Variants in MAGI2 observed in about 807,000 individuals in gnomAD.
MAGI2 encodes the protein membrane associated guanylate kinase, WW and PDZ domain containing 2, also known as membrane-associated guanylate kinase, WW and PDZ domain-containing protein 2.
Under a neutral mutation model 133.3 loss-of-function variants are expected in MAGI2, and 35 were observed. The observed-to-expected ratio is 0.26, with a 90% CI of 0.20 to 0.35. MAGI2 has a LOEUF of 0.35. Among genes scored for constraint, MAGI2 ranks in the 10% least tolerant of loss-of-function variants. The pLI is 1.00. For missense variants in MAGI2, 1,636 were observed against 1,863.4 expected, an observed-to-expected ratio of 0.88 and a Z score of 2.25; for synonymous variants, 729 against 710.6, an observed-to-expected ratio of 1.03 and a Z score of -0.41.
intron 7 of MAGI2, among the ~76,000 whole-genome samples, chr7:78,352,242 C>T (rs1028170077): frequency 1.3e-5 from 2 of 151,996 alleles, no homozygotes; most frequent in African/African-American, 4.8e-5. Flanking sequence ...GGAGAGAAAA[C>T]AGGGACAAAA....
chr7:78,300,505 C>A (rs1336361633), intron 9 of MAGI2, among the ~76,000 whole-genome samples: 1 of 152,146 alleles, frequency 6.6e-6, no homozygotes, highest in Non-Finnish European at 1.5e-5. Context: ...ATAAGTAAAA[C>A]AGCTTAGTGG....
chr7:78,425,153 C>G (rs189373421), intron 6 of MAGI2, among the ~76,000 whole-genome samples: 1 of 152,008 alleles, frequency 6.6e-6, no homozygotes, highest in Non-Finnish European at 1.5e-5. Context: ...ATTATGGGGG[C>G]GGGTCTTTCC....
At chr7:79,040,046 C>T (rs1811510995) in intron 1 of MAGI2, among the ~76,000 whole-genome samples, 1 of 151,668 alleles carries the variant, frequency 6.6e-6, no homozygotes. Context: ...CTTTGTTTCC[C>T]CACCCAAATT....
chr7:78,734,186 AATACAGGCATCAAAT>A (rs1585231645), intron 2 of MAGI2, among the ~76,000 whole-genome samples: 1 of 152,222 alleles, frequency 6.6e-6, no homozygotes, highest in East Asian at 1.9e-4. Flanking sequence ...TATTTCTCTC[AATACAGGCATCAAAT>A]ATAGCAGCAT....
Position 78,230,378 on chromosome 7 carries a change from C to T in MAGI2, c.2047+25565G>A, listed in dbSNP as rs963528271. Among the ~76,000 whole-genome samples the T allele has an allele frequency of 1.6e-4, 24 of 152,132 alleles. 1 individual carries two copies. The South Asian group carries it at 2.1e-3, about 13-fold the overall frequency. ...CAATTTCAAATCCCTTCCTTTAGAA[C>T]GTGATTTTATTTCTCTATTACAATT... On this transcript the variant is annotated intron_variant, in intron 10 of 21. Coordinates refer to ENST00000354212, the MANE Select transcript of MAGI2 (RefSeq NM_012301.4).
intron 3 of MAGI2, chr7:78,614,258 G>A (rs193089242): frequency 6.6e-6 from 1 of 150,602 alleles, no homozygotes. Flanking sequence ...TAGAACTCTG[G>A]GGGACAGGTG....
Position 78,026,045 on chromosome 7 carries a change from T to C in MAGI2, c.3707-6069A>G, listed in dbSNP as rs191115004. 10 of 152,728 alleles carry C rather than the reference T, an allele frequency of 6.5e-5. No homozygotes were observed. In the East Asian group the frequency reaches 9.6e-4, roughly 15 times the overall value. 9.5% of individuals were successfully genotyped at this position (152,728 alleles called of 1,614,324 possible). A position where few individuals can be genotyped will look rare whatever the true frequency, so the allele number is the denominator to read the frequency against. On this transcript the variant is annotated intron_variant, in intron 21 of 21. Transcript: ENST00000354212. Reference sequence around the variant, plus strand: ...CTGTGGGAGAAGCAAGCCCCTCTCCTAAGTTAGGATCAAGTTTCTTACCCT... The same window carrying C: ...CTGTGGGAGAAGCAAGCCCCTCTCCCAAGTTAGGATCAAGTTTCTTACCCT...
In MAGI2 at chr7:79,211,818, G is replaced by C. The variant is rs184043272; in HGVS notation, c.302-204612C>G. Among the ~76,000 whole-genome samples, 290 of 152,158 alleles carry C rather than the reference G, an allele frequency of 1.9e-3. 2 individuals are homozygous for C. The highest frequency in any genetic ancestry group is 3.7e-3 in the Non-Finnish European group (253 of 68,026). The stretch of plus-strand genomic sequence containing the variant: ...AGGGCTATTATCAATTTAGGTAACA[G>C]AGGGTAAAACGGCTTAGAAGTAATA... On this transcript the variant is annotated intron_variant, in intron 1 of 21. Transcript: ENST00000354212.
intron 2 of MAGI2, among the ~76,000 whole-genome samples, chr7:78,669,210 T>TA (rs2151066518): frequency 6.6e-6 from 1 of 152,004 alleles, no homozygotes; most frequent in East Asian, 1.9e-4. Flanking sequence ...AAGAATCAAA[T>TA]AGATGAAATA....
chr7:78,130,447 G>A (rs191877638), intron 18 of MAGI2, among the ~76,000 whole-genome samples: 9 of 152,244 alleles, frequency 5.9e-5, no homozygotes, highest in Admixed American at 1.3e-4. Context: ...AATTCATACC[G>A]TGCACTGGCA....
At chr7:78,491,928 T>G (rs1207412777) in intron 5 of MAGI2, among the ~76,000 whole-genome samples, 3 of 151,448 alleles carry the variant, frequency 2.0e-5, no homozygotes, top group Non-Finnish European at 4.4e-5. Flanking sequence ...TGTTGATGTC[T>G]ATGTTTCTAT....
At chr7:78,701,174 A>C (rs1818031813) in intron 2 of MAGI2, among the ~76,000 whole-genome samples, 1 of 151,816 alleles carries the variant, frequency 6.6e-6, no homozygotes, top group African/African-American at 2.4e-5. Context: ...ATATAAAATC[A>C]AAGGTTAAAT....
intron 1 of MAGI2, among the ~76,000 whole-genome samples, chr7:79,249,230 A>C (rs1833047588): frequency 1.3e-5 from 2 of 152,182 alleles, no homozygotes; most frequent in African/African-American, 2.4e-5. Context: ...GTAGAAGAAC[A>C]ATCTTATGAT....
At chr7:78,788,618 C>T (rs939518276) in intron 2 of MAGI2, among the ~76,000 whole-genome samples, 6 of 151,068 alleles carry the variant, frequency 4.0e-5, no homozygotes, top group African/African-American at 9.7e-5. Context: ...TTTAGTTTAA[C>T]GTATATGACT....
chr7:78,075,344 A>G (rs1422525042), intron 21 of MAGI2, among the ~76,000 whole-genome samples: 5 of 150,170 alleles, frequency 3.3e-5, no homozygotes, highest in African/African-American at 1.2e-4. Context: ...TGTGAGCCCA[A>G]TGTGTATTTT....
chr7:78,330,917 T>A (rs1010786252), intron 9 of MAGI2, among the ~76,000 whole-genome samples: 1 of 152,166 alleles, frequency 6.6e-6, no homozygotes, highest in Non-Finnish European at 1.5e-5. Context: ...TAGTACGAAC[T>A]GAACGAATCT....
intron 1 of MAGI2, among the ~76,000 whole-genome samples, chr7:79,297,991 C>G (rs896563619): frequency 6.6e-6 from 1 of 152,152 alleles, no homozygotes; most frequent in Non-Finnish European, 1.5e-5. Flanking sequence ...CTTTTTGTCT[C>G]TTTGTAAGAT....
At chr7:78,795,582 G>C (rs948347262) in intron 2 of MAGI2, among the ~76,000 whole-genome samples, 1 of 151,984 alleles carries the variant, frequency 6.6e-6, no homozygotes, top group African/African-American at 2.4e-5. Flanking sequence ...CATGCTCATG[G>C]ATTGAAATAA....
chr7:78,990,978 T>C (rs1805712690), intron 2 of MAGI2, among the ~76,000 whole-genome samples: 1 of 144,600 alleles, frequency 6.9e-6, no homozygotes, highest in Non-Finnish European at 1.5e-5. Context: ...CACCCAAATC[T>C]CAACTGGAAT....
Sources: gnomAD v4.1 joint callset for allele counts (sites outside exome capture counted in the v4.1 genomes callset) on GRCh38, gnomAD v4.1.1 for gene constraint, MANE v1.5 for transcripts, NCBI Gene and HGNC (gene_info 2026-07-23, HGNC 2026-07-21) for gene names.